LGSN: variants seen among roughly 807,000 people sequenced by gnomAD.
LGSN encodes lengsin.
In LGSN, 21 loss-of-function variants were observed where a neutral mutation model predicts 19.5. The observed-to-expected ratio is 1.07, with a 90% confidence interval of 0.76 to 1.55. The LOEUF is 1.55. Among genes scored for constraint, LGSN ranks in the 40% most tolerant of loss-of-function variants. The probability of loss-of-function intolerance (pLI) is 0.00; values close to 1 mark genes in which losing one functional copy is unlikely to be tolerated. For synonymous variants in LGSN, 257 were observed against 215.6 expected (o/e 1.19, Z -1.68); for missense variants, 673 against 608.5 (o/e 1.11, Z -1.12).
chr6:63,457,261 T>A, the LGSN span, among the ~76,000 whole-genome samples: 6 of 152,286 alleles, frequency 3.9e-5, no homozygotes, highest in East Asian at 9.7e-4. Context: ...ATCCACCACT[T>A]TGGGAGTCCG....
At chr6:63,489,953 A>G in the LGSN span, among the ~76,000 whole-genome samples, 1 of 152,098 alleles carries the variant, frequency 6.6e-6, no homozygotes, top group African/African-American at 2.4e-5. Flanking sequence ...CAGGTGATTC[A>G]CTTGCCTCAG....
chr6:63,315,277 C>A (rs1768794274), intron 1 of LGSN, among the ~76,000 whole-genome samples: 1 of 152,114 alleles, frequency 6.6e-6, no homozygotes, highest in Non-Finnish European at 1.5e-5. Flanking sequence ...AATGAGACTT[C>A]TTTGGATGTC....
At chr6:63,402,006 A>G in the LGSN span, among the ~76,000 whole-genome samples, 1 of 152,234 alleles carries the variant, frequency 6.6e-6, no homozygotes, top group African/African-American at 2.4e-5. Flanking sequence ...ATGAGCAGCA[A>G]CTAGAACTCT....
At chr6:63,436,626 T>A in the LGSN span, among the ~76,000 whole-genome samples, 3 of 152,086 alleles carry the variant, frequency 2.0e-5, no homozygotes, top group African/African-American at 7.2e-5. Flanking sequence ...TTGCCACCAT[T>A]CCCCAGACAG....
the LGSN span, among the ~76,000 whole-genome samples, chr6:63,468,572 T>C: frequency 7.5e-5 from 10 of 133,604 alleles, no homozygotes; most frequent in Non-Finnish European, 1.5e-4. Flanking sequence ...GGATTACAGG[T>C]GCGTGCCACC....
chr6:63,353,980 C>T, the LGSN span, among the ~76,000 whole-genome samples: 90 of 152,166 alleles, frequency 5.9e-4, no homozygotes, highest in Middle Eastern at 6.8e-3. Context: ...TCTCTCACTA[C>T]ATATAAAAAT....
the LGSN span, among the ~76,000 whole-genome samples, chr6:63,471,876 T>C: frequency 2.0e-5 from 3 of 152,040 alleles, no homozygotes; most frequent in Non-Finnish European, 4.4e-5. Context: ...TTAGTGCCGT[T>C]ACAATAAGAC....
chr6:63,392,914 T>A, the LGSN span, among the ~76,000 whole-genome samples: 1 of 134,550 alleles, frequency 7.4e-6, no homozygotes. Flanking sequence ...TGATATGGAG[T>A]CTTGCTCTGT....
chr6:63,389,269 A>G, the LGSN span, among the ~76,000 whole-genome samples: 2 of 152,220 alleles, frequency 1.3e-5, no homozygotes, highest in East Asian at 1.9e-4. Flanking sequence ...CCTATTTTCT[A>G]CTCTCATATT....
chr6:63,542,099 G>T, the LGSN span, among the ~76,000 whole-genome samples: 22 of 150,418 alleles, frequency 1.5e-4, no homozygotes, highest in East Asian at 3.9e-3. Flanking sequence ...GCCATAAAAA[G>T]GAATAAATTA....
the LGSN span, among the ~76,000 whole-genome samples, chr6:63,483,381 T>A: frequency 6.6e-6 from 1 of 151,832 alleles, no homozygotes; most frequent in Non-Finnish European, 1.5e-5. Flanking sequence ...TTTTTTTTTT[T>A]TTGAGACAGA....
At chr6:63,568,620 C>G in the LGSN span, among the ~76,000 whole-genome samples, 1 of 151,324 alleles carries the variant, frequency 6.6e-6, no homozygotes, top group East Asian at 1.9e-4. Context: ...CTCTGATAGA[C>G]TTGCTCGACA....
At chr6:63,408,680 G>A in the LGSN span, among the ~76,000 whole-genome samples, 2 of 150,958 alleles carry the variant, frequency 1.3e-5, no homozygotes, top group Non-Finnish European at 2.9e-5. Context: ...AGTGACAAAT[G>A]GGATCTAATT....
chr6:63,407,010 C>T, the LGSN span, among the ~76,000 whole-genome samples: 1 of 152,180 alleles, frequency 6.6e-6, no homozygotes, highest in Non-Finnish European at 1.5e-5. Context: ...AGACCAATAA[C>T]AGGCTCTGTA....
chr6:63,518,255 A>G, the LGSN span, among the ~76,000 whole-genome samples: 2 of 152,028 alleles, frequency 1.3e-5, no homozygotes, highest in African/African-American at 4.8e-5. Flanking sequence ...CTGCCAGAGC[A>G]CATCTTAGAT....
At position 63,280,251 on chromosome 6, in the gene LGSN, T is replaced by G. The variant is rs143668006; in HGVS notation, c.1300A>C (p.Ser434Arg). 1.9e-6 allele frequency: 3 copies of G among 1,614,112 alleles called. No individual in the cohort carries two copies. The highest frequency in any genetic ancestry group is 3.3e-5 in the Admixed American group (2 of 60,008). The change falls in exon 4 of 4, where the codon AGT (serine) becomes CGT (arginine). Residue 434 changes from serine to arginine, a missense_variant. Ser to Arg is a moderately radical substitution (Grantham distance 110, BLOSUM62 -1). Coordinates refer to ENST00000370657, the MANE Select transcript of LGSN (RefSeq NM_016571.3). ...TCTGGACCAGCCAAGACCTCATTACTGCTATGAAGTCCATCTAAGCCGGCA... is the reference window on the plus strand; with the variant it reads ...TCTGGACCAGCCAAGACCTCATTACGGCTATGAAGTCCATCTAAGCCGGCA... ...VAAGLDGLHS[S>R]NEVLAGPDES...
chr6:63,514,535 C>T, the LGSN span, among the ~76,000 whole-genome samples: 6 of 152,170 alleles, frequency 3.9e-5, no homozygotes, highest in South Asian at 2.1e-4. Flanking sequence ...CCCTCTTTGA[C>T]GTTTTATCAT....
At chr6:63,441,313 TG>T in the LGSN span, 2 of 469,112 alleles carry the variant, frequency 4.3e-6, no homozygotes, top group Admixed American at 2.3e-5. Context: ...CCAGCAGACT[TG>T]GGCCGTTTGG....
chr6:63,508,813 G>C, the LGSN span, among the ~76,000 whole-genome samples: 1 of 151,410 alleles, frequency 6.6e-6, no homozygotes, highest in Non-Finnish European at 1.5e-5. Flanking sequence ...CAGCTACTCA[G>C]GAGGCTGAGG....
Sources: allele counts gnomAD v4.1 joint callset (sites outside exome capture counted in the v4.1 genomes callset), GRCh38; gene constraint gnomAD v4.1.1; transcripts MANE v1.5; gene names NCBI Gene and HGNC (gene_info 2026-07-23, HGNC 2026-07-21).